HSD17B12: variants seen among roughly 807,000 people sequenced by gnomAD.
HSD17B12 encodes hydroxysteroid 17-beta dehydrogenase 12, also known as very-long-chain 3-oxoacyl-CoA reductase.
Under a neutral mutation model 39.3 loss-of-function variants are expected in HSD17B12, and 32 were observed. The ratio of observed to expected loss-of-function variants is 0.81; its 90% confidence interval spans 0.61 to 1.09. The LOEUF (loss-of-function observed/expected upper bound fraction) is 1.09. Among genes scored for constraint, HSD17B12 ranks in the 50% least tolerant of loss-of-function variants. The pLI, the probability that HSD17B12 is intolerant of heterozygous loss-of-function variation, is 0.00. For missense variants in HSD17B12, 342 were observed against 382.9 expected, an observed-to-expected ratio of 0.89 and a Z score of 0.89; for synonymous variants, 150 against 146.7, an observed-to-expected ratio of 1.02 and a Z score of -0.16.
At chr11:43,686,908 T>C (rs945861784) in intron 1 of HSD17B12, among the ~76,000 whole-genome samples, 1 of 152,212 alleles carries the variant, frequency 6.6e-6, no homozygotes, top group African/African-American at 2.4e-5. Flanking sequence ...GTCAGATAAC[T>C]GAGATTACCA....
the HSD17B12 span, among the ~76,000 whole-genome samples, chr11:43,667,376 T>G: frequency 6.6e-6 from 1 of 152,156 alleles, no homozygotes; most frequent in Admixed American, 6.6e-5. Context: ...GGTCTTGAAC[T>G]CCTGACCTCA....
the HSD17B12 span, among the ~76,000 whole-genome samples, chr11:43,600,237 G>T: frequency 8.0e-5 from 12 of 150,602 alleles, no homozygotes; most frequent in Non-Finnish European, 1.6e-4. Context: ...CCTTTTACTT[G>T]TATTCTTTTA....
At chr11:43,673,829 C>T in the HSD17B12 span, among the ~76,000 whole-genome samples, 1 of 152,108 alleles carries the variant, frequency 6.6e-6, no homozygotes, top group East Asian at 1.9e-4. Flanking sequence ...TTTTTAGATG[C>T]TGCTTTCTCT....
chr11:43,719,235 T>C, intron 1 of HSD17B12: 1 of 599,382 alleles, frequency 1.7e-6, no homozygotes, highest in Non-Finnish European at 3.0e-6. Flanking sequence ...TGGGAGGCCA[T>C]ATACAGGCAT....
intron 3 of HSD17B12, among the ~76,000 whole-genome samples, chr11:43,775,411 C>G (rs1950690607): frequency 6.6e-6 from 1 of 152,142 alleles, no homozygotes; most frequent in Non-Finnish European, 1.5e-5. Context: ...AGGTGCCCAA[C>G]TACAGAGCGT....
At chr11:43,608,832 G>A in the HSD17B12 span, among the ~76,000 whole-genome samples, 5 of 152,058 alleles carry the variant, frequency 3.3e-5, no homozygotes, top group East Asian at 1.9e-4. Context: ...GAAGCTCTTC[G>A]AAGGCCTCCA....
At chr11:43,820,780 T>A (rs1258061808) in intron 6 of HSD17B12, among the ~76,000 whole-genome samples, 1 of 152,236 alleles carries the variant, frequency 6.6e-6, no homozygotes, top group East Asian at 1.9e-4. Context: ...CAGCTTGGCC[T>A]TGTGACTTTG....
the HSD17B12 span, among the ~76,000 whole-genome samples, chr11:43,634,088 AAAAAAAAAAAAAAAAAAAAAAG>A: frequency 1.4e-5 from 2 of 144,266 alleles, no homozygotes; most frequent in Non-Finnish European, 3.0e-5. Context: ...AAAAAAAAAA[AAAAAAAAAAAAAAAAAAAAAAG>A]AAAGACACAT....
chr11:43,616,848 A>T, the HSD17B12 span, among the ~76,000 whole-genome samples: 1 of 148,778 alleles, frequency 6.7e-6, no homozygotes, highest in South Asian at 2.1e-4. Flanking sequence ...GGCGGGGGCC[A>T]GTAATCCCAG....
the HSD17B12 span, among the ~76,000 whole-genome samples, chr11:43,590,495 T>G: frequency 1.5e-5 from 2 of 134,172 alleles, no homozygotes; most frequent in Admixed American, 7.8e-5. Context: ...TATTTTGTAG[T>G]GGAGTGAGTG....
chr11:43,663,004 A>G, the HSD17B12 span, among the ~76,000 whole-genome samples: 3 of 152,242 alleles, frequency 2.0e-5, no homozygotes, highest in Non-Finnish European at 4.4e-5. Flanking sequence ...GCAAGGAAGT[A>G]TCTAAACAGG....
chr11:43,817,040 C>CTATATA (rs368591679), intron 6 of HSD17B12, among the ~76,000 whole-genome samples: 56 of 21,512 alleles, frequency 2.6e-3, no homozygotes, highest in Non-Finnish European at 5.6e-3. Context: ...ATATCTATAT[C>CTATATA]TATATATATA....
intron 3 of HSD17B12, among the ~76,000 whole-genome samples, chr11:43,760,804 T>G (rs930989709): frequency 2.0e-5 from 3 of 152,210 alleles, no homozygotes; most frequent in Admixed American, 6.5e-5. Flanking sequence ...CTAATAAAAC[T>G]AAAACCACAT....
chr11:43,611,316 C>A, the HSD17B12 span, among the ~76,000 whole-genome samples: 37 of 152,294 alleles, frequency 2.4e-4, no homozygotes, highest in African/African-American at 8.7e-4. Flanking sequence ...TTTTGAATTA[C>A]TCATCCCATA....
chr11:43,562,619 C>T, the HSD17B12 span, among the ~76,000 whole-genome samples: 1 of 152,320 alleles, frequency 6.6e-6, no homozygotes, highest in East Asian at 1.9e-4. Flanking sequence ...TTGGGAACAT[C>T]TTATGAGGCA....
chr11:43,745,126 G>C (rs924355548), intron 1 of HSD17B12, among the ~76,000 whole-genome samples: 1 of 152,180 alleles, frequency 6.6e-6, no homozygotes, highest in Non-Finnish European at 1.5e-5. Context: ...CCAACAACTG[G>C]AGAATCAGGA....
intron 1 of HSD17B12, among the ~76,000 whole-genome samples, chr11:43,685,075 G>A (rs553618945): frequency 4.6e-5 from 7 of 152,256 alleles, no homozygotes; most frequent in Non-Finnish European, 7.3e-5. Context: ...TGTGGAGTGA[G>A]GTCAGATTTC....
intron 6 of HSD17B12, among the ~76,000 whole-genome samples, chr11:43,821,534 A>C (rs1565101420): frequency 6.6e-6 from 1 of 152,220 alleles, no homozygotes; most frequent in Non-Finnish European, 1.5e-5. Context: ...TTTAGAGACA[A>C]TTGAACCTCA....
At chr11:43,854,968 C>T (rs1951568738) in intron 10 of HSD17B12, 104 bp downstream of exon 10, 3 of 1,235,228 alleles carry the variant, frequency 2.4e-6, no homozygotes, top group Middle Eastern at 1.9e-4. Flanking sequence ...ATACATTGTC[C>T]AGCCATAGTA....
Sources: allele counts gnomAD v4.1 joint callset (sites outside exome capture counted in the v4.1 genomes callset), GRCh38; gene constraint gnomAD v4.1.1; transcripts MANE v1.5; gene names NCBI Gene and HGNC (gene_info 2026-07-23, HGNC 2026-07-21).